ZNF559: variants seen among roughly 807,000 people sequenced by gnomAD.
The protein encoded by ZNF559 is putative protein product of Nbla00121.
In ZNF559, 17 loss-of-function variants were observed where a neutral mutation model predicts 14.2. The ratio of observed to expected loss-of-function variants is 1.20; its 90% CI spans 0.82 to 1.80. The LOEUF (loss-of-function observed/expected upper bound fraction) is 1.80. Among genes scored for constraint, ZNF559 ranks in the 40% most tolerant of loss-of-function variants. The pLI, the probability that ZNF559 is intolerant of heterozygous loss-of-function variation, is 0.00. For synonymous variants in ZNF559, 244 were observed against 212.4 expected, an observed-to-expected ratio of 1.15 and a Z score of -1.29; for missense variants, 740 against 629.7, an observed-to-expected ratio of 1.18 and a Z score of -1.88.
At chr19:9,324,155 T>TGCGCGGCGTGTCTGCGTGG, upstream of ZNF559, 5 of 1,535,920 alleles carry the variant, frequency 3.3e-6, no homozygotes, top group Non-Finnish European at 4.4e-6. Flanking sequence ...CCTTTGCGCG[T>TGCGCGGCGTGTCTGCGTGG]GCGCGGCGTG....
chr19:9,329,497 C>T (rs189156618), intron 2 of ZNF559, among the ~76,000 whole-genome samples: 1 of 152,108 alleles, frequency 6.6e-6, no homozygotes, highest in East Asian at 1.9e-4. Flanking sequence ...TGATCTTTGT[C>T]TCTTGTCACA....
At position 9,339,359 on chromosome 19, in the gene ZNF559, G is replaced by A. The variant is rs374786120; in HGVS notation, c.160+40G>A. On this transcript the variant is annotated intron_variant, in intron 5 of 6. Coordinates refer to ENST00000603380, the MANE Select transcript of ZNF559 (RefSeq NM_032497.3). ...ATTCTTTTCATTTAGTTTTTTTCTG[G>A]AACAAATGTGTCTTAAGTAACTATG... The A allele has an allele frequency of 3.1e-5, 48 of 1,565,482 alleles. No individual in the cohort carries two copies. In the African/African-American group the frequency reaches 6.0e-4, roughly 20 times the overall value.
chr19:9,324,094 A>C (rs1229962563), upstream of ZNF559: 1 of 1,474,328 alleles, frequency 6.8e-7, no homozygotes, highest in Non-Finnish European at 9.1e-7. Flanking sequence ...AAAAAGCCGC[A>C]GCAGCTGATG....
intron 5 of ZNF559, among the ~76,000 whole-genome samples, chr19:9,339,876 C>T (rs1247857614): frequency 2.0e-5 from 3 of 150,140 alleles, no homozygotes; most frequent in Non-Finnish European, 4.4e-5. Flanking sequence ...TCACACCAGT[C>T]TCCTGCCTCA....
At position 9,324,681 on chromosome 19, in the gene ZNF559, C is replaced by T. The variant is rs2066482385; in HGVS notation, c.-205-14C>T. ...AAAGTCTCCACATCCAGCGTTGTGC[C>T]TTTTCTCTATAAGGAACAGCATCTC... On this transcript the variant is annotated splice_polypyrimidine_tract_variant and intron_variant, in intron 1 of 6. Transcript: ENST00000603380. 4 of 1,512,332 alleles carry T rather than the reference C, an allele frequency of 2.6e-6. No individual in the cohort carries two copies. Among genetic ancestry groups the T allele is most frequent in the African/African-American group, 1.4e-5 (1 of 70,254 alleles). 93.7% of individuals were successfully genotyped at this position (1,512,332 alleles called of 1,614,324 possible).
chr19:9,332,193 A>G (rs564286353), intron 2 of ZNF559, among the ~76,000 whole-genome samples: 15 of 152,074 alleles, frequency 9.9e-5, no homozygotes, highest in Non-Finnish European at 2.2e-4. Context: ...AATTTTGTCA[A>G]ATTCCTTTTC....
chr19:9,340,583 AAAAAAAAAG>A (rs1278455347), intron 5 of ZNF559, among the ~76,000 whole-genome samples: 10 of 132,546 alleles, frequency 7.5e-5, no homozygotes, highest in Admixed American at 2.4e-4. Context: ...AAAAAAAAAA[AAAAAAAAAG>A]AGTCTTGCTC....
intron 2 of ZNF559, among the ~76,000 whole-genome samples, chr19:9,327,041 G>A (rs577277844): frequency 2.0e-5 from 3 of 152,112 alleles, no homozygotes; most frequent in Admixed American, 2.0e-4. Flanking sequence ...TCTAGGTAAT[G>A]TACTGGGCTT....
rs73506718 is a variant in ZNF559, at chr19:9,325,838, G to C, written c.-120+1058G>C. Among the ~76,000 whole-genome samples the C allele has an allele frequency of 1.3e-3, 192 of 151,420 alleles. 1 individual carries two copies. The highest frequency in any genetic ancestry group is 4.4e-3 in the African/African-American group (180 of 41,304). ...CTTAACTACATTCACTAGTTGTTAA[G>C]ATTTGTTTCATTTTTTTGTATATGT... On this transcript the variant is annotated intron_variant, in intron 2 of 6. Coordinates refer to ENST00000603380, the MANE Select transcript of ZNF559 (RefSeq NM_032497.3).
At chr19:9,324,322 G>C in intron 1 of ZNF559, 94 bp downstream of exon 1, 1 of 1,532,200 alleles carries the variant, frequency 6.5e-7, no homozygotes, top group African/African-American at 1.4e-5. Context: ...GTGAAATGGA[G>C]CCTGTCCCGT....
At chr19:9,325,829 AGTT>A (rs1378041559) in intron 2 of ZNF559, among the ~76,000 whole-genome samples, 1 of 151,802 alleles carries the variant, frequency 6.6e-6, no homozygotes, top group Non-Finnish European at 1.5e-5. Flanking sequence ...TACATTCACT[AGTT>A]GTTAAGATTT....
chr19:9,338,280 T>A (rs1178428118), intron 3 of ZNF559, among the ~76,000 whole-genome samples: 5 of 152,180 alleles, frequency 3.3e-5, no homozygotes, highest in Admixed American at 6.5e-5. Context: ...TCTCTGGACT[T>A]TGTATTCCTT....
chr19:9,325,280 C>T (rs146097755), intron 2 of ZNF559, among the ~76,000 whole-genome samples: 172 of 151,380 alleles, frequency 1.1e-3, no homozygotes, highest in African/African-American at 4.0e-3. Flanking sequence ...GCCTCTGTCT[C>T]TACTAAAAAT....
intron 2 of ZNF559, among the ~76,000 whole-genome samples, chr19:9,336,304 A>G (rs77160789): frequency 0.021 from 3,210 of 152,228 alleles, 110 homozygotes; most frequent in African/African-American, 0.073. Context: ...CATAATACAT[A>G]TTTATGGCTG....
At chr19:9,332,353 GTGTATATATATATATATCAC>G (rs1232302329) in intron 2 of ZNF559, among the ~76,000 whole-genome samples, 26 of 97,438 alleles carry the variant, frequency 2.7e-4, no homozygotes, top group African/African-American at 9.4e-4. Context: ...GTATGTGTGT[GTGTATATATATATATATCAC>G]TGTATTCATT....
In ZNF559 at chr19:9,344,926, TG is replaced by T. The variant is rs751805794; in HGVS notation, c.*1859del. ...CTTTAAGTTTGGACACATACACATATGTGTACATACACACCATCAAGATAAT... is the reference window on the plus strand; with the variant it reads ...CTTTAAGTTTGGACACATACACATATTGTACATACACACCATCAAGATAAT... On this transcript the variant is annotated 3_prime_UTR_variant, in exon 7 of 7. Transcript: ENST00000603380. 3.9e-5 allele frequency: 6 copies of T among 152,228 alleles called. No homozygotes were observed. The highest frequency in any genetic ancestry group is 8.8e-5 in the Non-Finnish European group (6 of 68,048). 9.4% of individuals were successfully genotyped at this position (152,228 alleles called of 1,614,324 possible).
intron 5 of ZNF559, among the ~76,000 whole-genome samples, 194 bp downstream of exon 5, chr19:9,339,513 T>A (rs1301719135): frequency 6.6e-6 from 1 of 152,180 alleles, no homozygotes; most frequent in Non-Finnish European, 1.5e-5. Flanking sequence ...AGCTTTATTT[T>A]CTCCATGGAT....
intron 2 of ZNF559, among the ~76,000 whole-genome samples, chr19:9,329,119 T>C (rs901494802): frequency 2.6e-5 from 4 of 152,232 alleles, no homozygotes; most frequent in African/African-American, 9.6e-5. Flanking sequence ...TTCTTTATTA[T>C]TCTTGTGCTT....
chr19:9,332,267 T>G (rs73506731), intron 2 of ZNF559, among the ~76,000 whole-genome samples: 2,358 of 152,282 alleles, frequency 0.015, 59 homozygotes, highest in African/African-American at 0.053. Flanking sequence ...TAATTTACAT[T>G]TGAATATCAA....
Sources: allele counts gnomAD v4.1 joint callset (sites outside exome capture counted in the v4.1 genomes callset), GRCh38; gene constraint gnomAD v4.1.1; transcripts MANE v1.5; gene names NCBI Gene and HGNC (gene_info 2026-07-23, HGNC 2026-07-21).